SLC26A1: variants seen among roughly 807,000 people sequenced by gnomAD.
SLC26A1 encodes the protein sulfate anion transporter 1.
A neutral mutation model predicts 14.5 loss-of-function variants in SLC26A1; 18 were observed. The observed-to-expected ratio is 1.24, with a 90% confidence interval of 0.86 to 1.84. The LOEUF (loss-of-function observed/expected upper bound fraction) is 1.84. SLC26A1 is among the 40% of genes most tolerant of loss of function. The pLI, the probability that SLC26A1 is intolerant of heterozygous loss-of-function variation, is 0.00. For missense variants in SLC26A1, 1,049 were observed against 1,020.0 expected, an observed-to-expected ratio of 1.03 and a Z score of -0.39; for synonymous variants, 505 against 492.0, an observed-to-expected ratio of 1.03 and a Z score of -0.35.
At chr4:987,157 C>T (rs775731864), downstream of SLC26A1, 2 of 1,425,082 alleles carry the variant, frequency 1.4e-6, no homozygotes, top group Non-Finnish European at 1.8e-6. Flanking sequence ...CCCGGTGGCC[C>T]CGGCCGAGGC....
Position 991,653 on chromosome 4 carries a change from G to C in SLC26A1, c.51C>G (p.Val17=). The part of the protein sequence containing the change: ...PLQQGRGPVP[V]RRQRPAPRGL... The stretch of plus-strand genomic sequence containing the variant: ...CCCGGGGTGCTGGGCGCTGCCGTCG[G>C]ACCGGCACCGGCCCTCTGCCCTGCT... Residue 17 remains valine (V), a synonymous_variant, in exon 2 of 3, where the codon GTC becomes GTG. Coordinates refer to ENST00000398516, the MANE Select transcript of SLC26A1 (RefSeq NM_022042.4). The C allele has an allele frequency of 6.5e-7, 1 of 1,549,144 alleles. No homozygotes were observed.
At chr4:981,073 C>T (rs1179481807) in intron 2 of SLC26A1, among the ~76,000 whole-genome samples, 4 of 152,206 alleles carry the variant, frequency 2.6e-5, no homozygotes, top group Non-Finnish European at 1.5e-5. Context: ...CGTCACGTCA[C>T]GCAGACACGG....
Position 989,420 on chromosome 4 carries a change from G to C in SLC26A1, c.1519C>G (p.Arg507Gly). ...SLLSLAGRTQ[R>G]PRTALLARIG... ...CGGGCCAGCAGGGCGGTGCGTGGGC[G>C]TTGGGTGCGGCCGGCCAGGCTGAGC... The change falls in exon 3 of 3, where the codon CGC becomes GGC. Residue 507 changes from arginine (R) to glycine (G), a missense_variant. Transcript: ENST00000398516. 1 of 1,556,576 alleles carries C rather than the reference G, an allele frequency of 6.4e-7. No homozygotes were observed. The highest frequency in any genetic ancestry group is 8.7e-7 in the Non-Finnish European group (1 of 1,150,536).
rs200360255 is a variant in SLC26A1, at chr4:989,038, C to T, written c.1901G>A (p.Arg634His). 3.5e-5 allele frequency: 55 copies of T among 1,581,094 alleles called. No individual in the cohort carries two copies. In the East Asian group the frequency reaches 8.4e-4, roughly 24 times the overall value. ...AAGVSTLQDLRRDYGALGISL... is the reference protein window; with the variant it reads ...AAGVSTLQDLHRDYGALGISL... ...GATGCCCAGGGCCCCGTAGTCTCGG[C>T]GCAGGTCCTGCAGCGTGCTCACACC... Residue 634 changes from arginine to histidine, a missense_variant, in exon 3 of 3, where the codon CGC (arginine) becomes CAC (histidine). Arg to His is a conservative substitution (Grantham distance 29). Transcript: ENST00000398516.
chr4:984,622 G>A (rs1484810596), downstream of SLC26A1, among the ~76,000 whole-genome samples: 1 of 152,012 alleles, frequency 6.6e-6, no homozygotes, highest in African/African-American at 2.4e-5. Flanking sequence ...TTCGAGGTCA[G>A]GAGGTCGAGA....
In SLC26A1 at chr4:990,775, G is replaced by A. The variant is rs1045987556; in HGVS notation, c.576+353C>T. The A allele has an allele frequency of 1.0e-5, 4 of 384,736 alleles. No homozygotes were observed. In the South Asian group the frequency reaches 1.4e-4, roughly 13 times the overall value. The allele number at this position is 384,736 out of a possible 1,614,324, so 23.8% of individuals were successfully genotyped here. A position where few individuals can be genotyped will look rare whatever the true frequency, so the allele number is the denominator to read the frequency against. On this transcript the variant is annotated intron_variant, in intron 2 of 2. Coordinates refer to ENST00000398516, the MANE Select transcript of SLC26A1 (RefSeq NM_022042.4). Reference sequence around the variant, plus strand: ...GGACAGGCCAAGGCAGGAGACCTTCGGGGGTGGGGAGGCCATCCCCCACTC... The same window carrying A: ...GGACAGGCCAAGGCAGGAGACCTTCAGGGGTGGGGAGGCCATCCCCCACTC...
In SLC26A1 at chr4:991,178, A is replaced by T. The variant is rs1207429030; in HGVS notation, c.526T>A (p.Tyr176Asn). The T allele has an allele frequency of 6.3e-7, 1 of 1,582,184 alleles. No homozygotes were observed. Among genetic ancestry groups the T allele is most frequent in the Non-Finnish European group, 8.6e-7 (1 of 1,161,802 alleles). ...AGGGCGGTGGCGACACGGATGGCGT[A>T]GCAGTCACGCCCGCAGTCCAGCATG... Reference protein sequence around the residue: ...AAMLDCGRDCYAIRVATALTL... With the variant: ...AAMLDCGRDCNAIRVATALTL... The change falls in exon 2 of 3, where the codon TAC (tyrosine) becomes AAC (asparagine). Residue 176 changes from tyrosine (Y) to asparagine (N), a missense_variant. Tyr to Asn is a moderately radical substitution (Grantham distance 143). Transcript: ENST00000398516.
chr4:989,033 C>A lies in SLC26A1; in HGVS notation c.1906G>T (p.Asp636Tyr), dbSNP rs146466185. 2.5e-3 allele frequency: 3,928 copies of A among 1,582,006 alleles called. 8 individuals are homozygous for A. Among genetic ancestry groups the A allele is most frequent in the Non-Finnish European group, 2.8e-3 (3,244 of 1,164,836 alleles). ...GVSTLQDLRR[D>Y]YGALGISLLL... is the part of the protein sequence containing the mutation. Reference sequence around the variant, plus strand: ...AGGCTGATGCCCAGGGCCCCGTAGTCTCGGCGCAGGTCCTGCAGCGTGCTC... The same window carrying A: ...AGGCTGATGCCCAGGGCCCCGTAGTATCGGCGCAGGTCCTGCAGCGTGCTC... The change falls in exon 3 of 3, where the codon GAC becomes TAC. Residue 636 changes from aspartate (D) to tyrosine (Y), a missense_variant. Asp to Tyr is a radical substitution (Grantham distance 160). Transcript: ENST00000398516.
At chr4:979,176 G>A (rs1713462291) in exon 3 of SLC26A1, 1 of 472,424 alleles carries the variant, frequency 2.1e-6, no homozygotes, top group Admixed American at 3.8e-5. Context: ...TTACAGAAAT[G>A]TACTGATGAC....
downstream of SLC26A1, chr4:987,616 A>G: frequency 6.9e-7 from 1 of 1,438,972 alleles, no homozygotes; most frequent in African/African-American, 1.4e-5. Context: ...CCCTCGTCTT[A>G]CTGCTGCTGC....
chr4:982,964 G>A (rs1713591064), downstream of SLC26A1, among the ~76,000 whole-genome samples: 1 of 152,240 alleles, frequency 6.6e-6, no homozygotes, highest in African/African-American at 2.4e-5. Flanking sequence ...TCTACGTCTT[G>A]GATGCTTCAC....
At chr4:986,009 T>C (rs942348120), downstream of SLC26A1, among the ~76,000 whole-genome samples, 3 of 152,138 alleles carry the variant, frequency 2.0e-5, no homozygotes, top group African/African-American at 7.2e-5. Context: ...AGCCTTGAAC[T>C]CCTAAGCTCA....
At chr4:983,885 C>T (rs188086979), downstream of SLC26A1, among the ~76,000 whole-genome samples, 190 of 152,316 alleles carry the variant, frequency 1.2e-3, 2 homozygotes, top group African/African-American at 4.5e-3. Context: ...AGTGCAGTGA[C>T]GTGATCTTGG....
At chr4:985,359 C>A (rs751272635), downstream of SLC26A1, among the ~76,000 whole-genome samples, 4 of 145,582 alleles carry the variant, frequency 2.7e-5, no homozygotes, top group Non-Finnish European at 6.1e-5. Context: ...TCAGAGGCTC[C>A]TCAGAGCTCC....
At chr4:979,363 T>C (rs1373689279) in exon 3 of SLC26A1, 1 of 1,101,352 alleles carries the variant, frequency 9.1e-7, no homozygotes, top group African/African-American at 1.6e-5. Flanking sequence ...GGTGTGAGGG[T>C]CCCGCATTCT....
Position 989,717 on chromosome 4 carries a change from T to C in SLC26A1, c.1222A>G (p.Thr408Ala). The C allele has an allele frequency of 6.4e-7, 1 of 1,558,782 alleles. No individual in the cohort carries two copies. Among genetic ancestry groups the C allele is most frequent in the African/African-American group, 1.4e-5 (1 of 73,850 alleles). The stretch of plus-strand genomic sequence containing the variant: ...CTGGACAGCTGTGTCCGGCAGCCAG[T>C]GGCTGTCTTCACCAGGCTCTTGGCC... ...ALAKSLVKTATGCRTQLSSVV... is the reference protein window; with the variant it reads ...ALAKSLVKTAAGCRTQLSSVV... The change falls in exon 3 of 3, where the codon ACT becomes GCT. Residue 408 changes from threonine to alanine, a missense_variant. Transcript: ENST00000398516.
chr4:987,417 G>A (rs2153015372), downstream of SLC26A1, among the ~76,000 whole-genome samples: 1 of 152,244 alleles, frequency 6.6e-6, no homozygotes, highest in Admixed American at 6.5e-5. Flanking sequence ...GTGGGCGCCG[G>A]GGCGTGAGCC....
Position 987,955 on chromosome 4 carries a change from C to A in SLC26A1, c.*878G>T. Reference sequence around the variant, plus strand: ...CTGGAGCTTGTCACCACCAGGTGGGCGGCGGGCAGGGTCTGGGCGTCCCAG... The same window carrying A: ...CTGGAGCTTGTCACCACCAGGTGGGAGGCGGGCAGGGTCTGGGCGTCCCAG... On this transcript the variant is annotated 3_prime_UTR_variant, in exon 3 of 3. Coordinates refer to ENST00000398516, the MANE Select transcript of SLC26A1 (RefSeq NM_022042.4). 3.2e-6 allele frequency: 5 copies of A among 1,566,946 alleles called. No individual in the cohort carries two copies. The highest frequency in any genetic ancestry group is 4.3e-6 in the Non-Finnish European group (5 of 1,155,968).
chr4:989,541 C>T lies in SLC26A1; in HGVS notation c.1398G>A (p.Met466Ile), dbSNP rs750337618. 1.8e-5 allele frequency: 28 copies of T among 1,565,976 alleles called. No individual in the cohort carries two copies. Among genetic ancestry groups the T allele is most frequent in the Non-Finnish European group, 2.2e-5 (25 of 1,156,602 alleles). The change falls in exon 3 of 3, where the codon ATG becomes ATA. Residue 466 changes from methionine to isoleucine, a missense_variant. Physicochemically the swap from Met to Ile is conservative, Grantham distance 10 (BLOSUM62 1). Coordinates refer to ENST00000398516, the MANE Select transcript of SLC26A1 (RefSeq NM_022042.4). Reference sequence around the variant, plus strand: ...CCCAGACCAGCGCGTCAGCCGGGCTCATCCGCCACAGCCGCGGGAGGTCCC... The same window carrying T: ...CCCAGACCAGCGCGTCAGCCGGGCTTATCCGCCACAGCCGCGGGAGGTCCC... ...KVWDLPRLWRMSPADALVWAG... is the reference protein window; with the variant it reads ...KVWDLPRLWRISPADALVWAG...
Sources: allele counts gnomAD v4.1 joint callset (sites outside exome capture counted in the v4.1 genomes callset), GRCh38; gene constraint gnomAD v4.1.1; transcripts MANE v1.5; gene names NCBI Gene and HGNC (gene_info 2026-07-23, HGNC 2026-07-21).